The following WWOX variants were observed in gnomAD, a reference collection of about 807,000 sequenced individuals.
The protein encoded by WWOX is WW domain containing oxidoreductase, also known as WW domain-containing oxidoreductase.
In WWOX, 69 loss-of-function variants were observed where a neutral mutation model predicts 46.2. That is an observed-to-expected ratio of 1.49 (90% CI 1.23 to 1.82). The LOEUF (loss-of-function observed/expected upper bound fraction) is 1.82, where lower values mean the gene tolerates loss of function less well. Among genes scored for constraint, WWOX ranks in the 40% most tolerant of loss-of-function variants. The pLI, the probability that WWOX is intolerant of heterozygous loss-of-function variation, is 0.00. For missense variants in WWOX, 919 were observed against 542.6 expected, an observed-to-expected ratio of 1.69 and a Z score of -6.89; for synonymous variants, 359 against 202.6, an observed-to-expected ratio of 1.77 and a Z score of -6.56.
At chr16:78,623,169 G>A (rs1286130687) in intron 8 of WWOX, among the ~76,000 whole-genome samples, 1 of 151,612 alleles carries the variant, frequency 6.6e-6, no homozygotes, top group Non-Finnish European at 1.5e-5. Context: ...GCTCAGCCAT[G>A]CCCAGACTCC....
At chr16:79,107,072 A>T (rs565961230) in intron 8 of WWOX, among the ~76,000 whole-genome samples, 1 of 152,172 alleles carries the variant, frequency 6.6e-6, no homozygotes, top group South Asian at 2.1e-4. Flanking sequence ...TGGTCTCCCA[A>T]AGTGCTGGGA....
intron 8 of WWOX, among the ~76,000 whole-genome samples, chr16:78,585,675 G>GT (rs72477856): frequency 3.1e-3 from 446 of 141,852 alleles, no homozygotes; most frequent in East Asian, 5.0e-3. Flanking sequence ...TTTGTTTTGG[G>GT]TTTTTTTTTT....
chr16:78,928,063 C>T (rs902248864), intron 8 of WWOX, among the ~76,000 whole-genome samples: 1 of 152,062 alleles, frequency 6.6e-6, no homozygotes, highest in African/African-American at 2.4e-5. Flanking sequence ...ACTCTCAGAT[C>T]CTGGATACTG....
intron 8 of WWOX, among the ~76,000 whole-genome samples, chr16:78,952,112 C>G (rs757970001): frequency 6.6e-6 from 1 of 152,070 alleles, no homozygotes; most frequent in Non-Finnish European, 1.5e-5. Flanking sequence ...TGTACCTTCC[C>G]TGTCTCATTT....
At chr16:78,826,847 A>T (rs553243005) in intron 8 of WWOX, among the ~76,000 whole-genome samples, 2 of 152,230 alleles carry the variant, frequency 1.3e-5, no homozygotes, top group East Asian at 1.9e-4. Context: ...ACAATTCTGG[A>T]TTTACTTAGC....
intron 8 of WWOX, among the ~76,000 whole-genome samples, chr16:78,458,705 G>C (rs1225493174): frequency 2.0e-5 from 3 of 152,010 alleles, no homozygotes. Flanking sequence ...AAGATAATCT[G>C]ACATTTAAAA....
At chr16:78,542,854 C>T (rs1370432408) in intron 8 of WWOX, among the ~76,000 whole-genome samples, 3 of 152,134 alleles carry the variant, frequency 2.0e-5, no homozygotes, top group Non-Finnish European at 4.4e-5. Flanking sequence ...TCAGTTAAAA[C>T]CCAAACGACG....
chr16:79,066,772 C>G (rs1474719921), intron 8 of WWOX, among the ~76,000 whole-genome samples: 1 of 152,224 alleles, frequency 6.6e-6, no homozygotes, highest in Non-Finnish European at 1.5e-5. Context: ...TGGAGAATTT[C>G]CCTCTGGCAA....
At chr16:79,145,034 C>T (rs7202713) in intron 8 of WWOX, among the ~76,000 whole-genome samples, 61,581 of 151,808 alleles carry the variant, frequency 0.41, 14,475 homozygotes, top group African/African-American at 0.66. Context: ...GGCTACTGTA[C>T]ATAAATTTGC....
At chr16:78,470,284 G>A (rs2084189567) in intron 8 of WWOX, among the ~76,000 whole-genome samples, 2 of 152,180 alleles carry the variant, frequency 1.3e-5, no homozygotes, top group African/African-American at 4.8e-5. Context: ...CAGGAGGCTA[G>A]GAAACAGAGC....
chr16:79,099,651 A>G (rs973521039), intron 8 of WWOX, among the ~76,000 whole-genome samples: 2 of 152,040 alleles, frequency 1.3e-5, no homozygotes, highest in Non-Finnish European at 2.9e-5. Flanking sequence ...TTGGCAACTA[A>G]TTCAATTTAT....
intron 5 of WWOX, among the ~76,000 whole-genome samples, chr16:78,329,187 G>T (rs1329049032): frequency 6.6e-6 from 1 of 152,094 alleles, no homozygotes; most frequent in Non-Finnish European, 1.5e-5. Flanking sequence ...ATTATCATAA[G>T]AAACAGTTAA....
At chr16:78,967,459 GT>G (rs57576563) in intron 8 of WWOX, among the ~76,000 whole-genome samples, 6,702 of 98,086 alleles carry the variant, frequency 0.068, 257 homozygotes, top group Non-Finnish European at 0.091. Flanking sequence ...AATTTTTGTG[GT>G]TTTTTTTTTT....
intron 8 of WWOX, among the ~76,000 whole-genome samples, chr16:79,040,021 G>C (rs984874381): frequency 6.6e-6 from 1 of 152,162 alleles, no homozygotes; most frequent in East Asian, 1.9e-4. Context: ...CCAGTTGTGT[G>C]CCCTTGGGCA....
intron 8 of WWOX, among the ~76,000 whole-genome samples, chr16:78,554,282 C>T (rs972226050): frequency 3.3e-5 from 5 of 152,100 alleles, no homozygotes; most frequent in East Asian, 1.9e-4. Flanking sequence ...GTGGTATAAG[C>T]CCCGTAGTAA....
chr16:79,005,457 G>A (rs544426128), intron 8 of WWOX, among the ~76,000 whole-genome samples: 1 of 152,332 alleles, frequency 6.6e-6, no homozygotes, highest in African/African-American at 2.4e-5. Context: ...TTTTCCCACA[G>A]TTTTGGAGGC....
chr16:79,093,518 AAG>A (rs1334689366), intron 8 of WWOX, among the ~76,000 whole-genome samples: 2 of 152,032 alleles, frequency 1.3e-5, no homozygotes, highest in Admixed American at 6.5e-5. Flanking sequence ...TTAAATGAAA[AAG>A]AGTCATTTAA....
At chr16:78,188,619 C>A (rs75226165) in intron 5 of WWOX, among the ~76,000 whole-genome samples, 1 of 151,782 alleles carries the variant, frequency 6.6e-6, no homozygotes, top group Non-Finnish European at 1.5e-5. Flanking sequence ...TTAGAAGTTT[C>A]GAGACGATAA....
chr16:78,768,018 A>T (rs2049966633), intron 8 of WWOX, among the ~76,000 whole-genome samples: 1 of 151,706 alleles, frequency 6.6e-6, no homozygotes, highest in African/African-American at 2.4e-5. Flanking sequence ...ATTGAAAGAG[A>T]CAGTTGTTGT....
Sources: allele counts gnomAD v4.1 joint callset (sites outside exome capture counted in the v4.1 genomes callset), GRCh38; gene constraint gnomAD v4.1.1; transcripts MANE v1.5; gene names NCBI Gene and HGNC (gene_info 2026-07-23, HGNC 2026-07-21).